TNKS1BP1: variants seen among roughly 807,000 people sequenced by gnomAD.
TNKS1BP1 encodes the protein CCR4-NOT transcription complex subunit 12, also known as 182 kDa tankyrase-1-binding protein.
A neutral mutation model predicts 141.1 loss-of-function variants in TNKS1BP1; 48 were observed. That is an observed-to-expected ratio of 0.34 (90% CI 0.27 to 0.43). The LOEUF is 0.43. Among genes scored for constraint, TNKS1BP1 ranks in the 20% least tolerant of loss-of-function variants. The probability of loss-of-function intolerance (pLI) is 1.00; values close to 1 mark genes in which losing one functional copy is unlikely to be tolerated. For missense variants in TNKS1BP1, 2,149 were observed against 2,226.0 expected (o/e 0.97, Z 0.70); for synonymous variants, 875 against 898.2 (o/e 0.97, Z 0.46).
At chr11:57,303,197 A>C in intron 6 of TNKS1BP1, 1 of 193,402 alleles carries the variant, frequency 5.2e-6, no homozygotes, top group Non-Finnish European at 1.0e-5. Context: ...CATGCTAGCA[A>C]TGTGTTCCCT....
At chr11:57,320,021 AATCC>A in intron 3 of TNKS1BP1, 54 bp downstream of exon 3, 1 of 546,566 alleles carries the variant, frequency 1.8e-6, no homozygotes, top group East Asian at 5.5e-5. Flanking sequence ...GCCCCCACCC[AATCC>A]CACCCCACCT....
chr11:57,313,690 G>C lies in TNKS1BP1; in HGVS notation c.998C>G (p.Ala333Gly). Residue 333 changes from alanine (A) to glycine (G), a missense_variant, in exon 5 of 12, where the codon GCT becomes GGT. Coordinates refer to ENST00000358252, the MANE Select transcript of TNKS1BP1 (RefSeq NM_033396.3). ...TGCACTTGGAGCTGATGGAGTCACA[G>C]CGGGGCAGGGAGAAGCCTGGGAAGC... ...PEASQASPCP[A>G]VTPSAPSAAL... The C allele has an allele frequency of 6.3e-7, 1 of 1,576,994 alleles. No homozygotes were observed. Among genetic ancestry groups the C allele is most frequent in the Non-Finnish European group, 8.6e-7 (1 of 1,160,962 alleles).
chr11:57,323,864 C>A (rs1352633057), intron 1 of TNKS1BP1, among the ~76,000 whole-genome samples: 1 of 152,208 alleles, frequency 6.6e-6, no homozygotes, highest in Admixed American at 6.5e-5. Flanking sequence ...AAAATCCTTT[C>A]ACCTGGGGTT....
rs1013221334 is a variant in TNKS1BP1, at chr11:57,322,309, A to G, written c.-65-359T>C. On this transcript the variant is annotated intron_variant, in intron 1 of 11. Coordinates refer to ENST00000358252, the MANE Select transcript of TNKS1BP1 (RefSeq NM_033396.3). ...ACTCAAAGCAGAGCTAGAGAGCTGCAAAGTATGAAGTCTGTCTGTGAATCA... is the reference window on the plus strand; with the variant it reads ...ACTCAAAGCAGAGCTAGAGAGCTGCGAAGTATGAAGTCTGTCTGTGAATCA... The G allele has an allele frequency of 7.0e-6, 7 of 999,392 alleles. No homozygotes were observed. The South Asian group carries it at 2.6e-4, about 38-fold the overall frequency. 61.9% of individuals were successfully genotyped at this position (999,392 alleles called of 1,614,324 possible).
intron 2 of TNKS1BP1, among the ~76,000 whole-genome samples, 183 bp downstream of exon 2, chr11:57,321,609 C>T (rs925965228): frequency 5.3e-5 from 8 of 152,232 alleles, no homozygotes; most frequent in Non-Finnish European, 1.2e-4. Context: ...TGATCCCAAA[C>T]AGTTCTGAAG....
rs551323314 is a variant in TNKS1BP1 at position 57,311,108 on chromosome 11, T to C, written c.2155-552A>G. ...CCCAGCCAAAGTGCCGTCTGCTCAA[T>C]CTTCCCCAGGAAGACCTCTCAGCCC... is the stretch of plus-strand genomic sequence containing the variant. On this transcript the variant is annotated intron_variant, in intron 5 of 11. Coordinates refer to ENST00000358252, the MANE Select transcript of TNKS1BP1 (RefSeq NM_033396.3). 151 of 509,314 alleles carry C rather than the reference T, an allele frequency of 3.0e-4. 2 individuals carry two copies. The South Asian group carries it at 0.012, about 39-fold the overall frequency. The allele number at this position is 509,314 out of a possible 1,614,324, so 31.5% of individuals were successfully genotyped here. A position where few individuals can be genotyped will look rare whatever the true frequency, so the allele number is the denominator to read the frequency against.
chr11:57,309,521 G>A lies in TNKS1BP1; in HGVS notation c.3190C>T (p.Gln1064Ter). The A allele has an allele frequency of 1.2e-6, 2 of 1,613,650 alleles. No homozygotes were observed. The highest frequency in any genetic ancestry group is 1.7e-6 in the Non-Finnish European group (2 of 1,180,038). ...SQEVGGHQER[Q>*]QAGAQGPGSA... ...CCAGGGCCCTGAGCCCCTGCCTGCT[G>A]TCTCTCCTGATGCCCTCCCACCTCC... is the stretch of plus-strand genomic sequence containing the variant. The change falls in exon 6 of 12, where the codon CAG becomes TAG. Residue 1064 changes from glutamine to a stop codon, truncating the protein, a stop_gained. Coordinates refer to ENST00000358252, the MANE Select transcript of TNKS1BP1 (RefSeq NM_033396.3). LOFTEE classifies it high-confidence loss of function. This position sits in a 1 kb window ranked among gnomAD's most constrained non-coding sequence, Gnocchi z 4.3.
rs369549576 is a variant in TNKS1BP1, at chr11:57,320,589, G to A, written c.218C>T (p.Ala73Val). 5 of 1,613,938 alleles carry A rather than the reference G, an allele frequency of 3.1e-6. No individual in the cohort carries two copies. The highest frequency in any genetic ancestry group is 4.2e-6 in the Non-Finnish European group (5 of 1,180,016). Residue 73 changes from alanine to valine, a missense_variant, in exon 3 of 12, where the codon GCT becomes GTT. Coordinates refer to ENST00000358252, the MANE Select transcript of TNKS1BP1 (RefSeq NM_033396.3). ...CATCTTCCTGGCAGAAGGCAACTCA[G>A]CCAGGGGACCCCGGGGAGGCCGAGG... ...VGPRPPRGPL[A>V]ELPSARKMNM...
Position 57,310,347 on chromosome 11 carries a change from C to T in TNKS1BP1, c.2364G>A (p.Arg788=). 6.2e-7 allele frequency: 1 copy of T among 1,614,108 alleles called. No homozygotes were observed. ...CGATGCCACACCTGCTGGCCCACTCCCTGGTGCTCCCTTCCCCTGCTCCTT... is the reference window on the plus strand; with the variant it reads ...CGATGCCACACCTGCTGGCCCACTCTCTGGTGCTCCCTTCCCCTGCTCCTT... ...YGQGAGEGST[R]EWASRCGIGQ... is the part of the protein sequence containing the mutation. Residue 788 remains arginine, a synonymous_variant, in exon 6 of 12, where the codon AGG becomes AGA. Coordinates refer to ENST00000358252, the MANE Select transcript of TNKS1BP1 (RefSeq NM_033396.3).
Position 57,310,005 on chromosome 11 carries a change from G to A in TNKS1BP1, c.2706C>T (p.Ala902=). 1.2e-6 allele frequency: 2 copies of A among 1,614,008 alleles called. No homozygotes were observed. Among genetic ancestry groups the A allele is most frequent in the Non-Finnish European group, 1.7e-6 (2 of 1,179,922 alleles). ...TCCCCAAATCTTGGCCCTGCTCGTT[G>A]GCATCTTGGCTGGCATAAGCACCCA... ...DSLGAYASQD[A]NEQGQDLGKR... Residue 902 remains alanine, a synonymous_variant, in exon 6 of 12, where the codon GCC becomes GCT. Transcript: ENST00000358252.
rs1456155256 is a variant in TNKS1BP1, at chr11:57,302,147, G to A, written c.4761C>T (p.Val1587=). 1.9e-6 allele frequency: 3 copies of A among 1,613,750 alleles called. No individual in the cohort carries two copies. The highest frequency in any genetic ancestry group is 1.1e-5 in the South Asian group (1 of 91,060). The change falls in exon 8 of 12, where the codon GTC becomes GTT. Residue 1587 remains valine, a synonymous_variant. Transcript: ENST00000358252. This position sits in a 1 kb window ranked among gnomAD's most constrained non-coding sequence, Gnocchi z 5.5. ...GGCCCAAGGTACCCCCAGGCCGAAT[G>A]ACCGGGGCCCGGTGCCCACGCTTGC... ...LGRKRGHRAP[V]IRPGGTLGLS... is the part of the protein sequence containing the mutation.
chr11:57,305,822 G>A (rs527953384), intron 6 of TNKS1BP1, among the ~76,000 whole-genome samples: 2 of 152,318 alleles, frequency 1.3e-5, no homozygotes, highest in African/African-American at 4.8e-5. Context: ...CGAGGAATCG[G>A]AGGCCCGCAG....
chr11:57,321,060 C>G (rs1436854875), intron 2 of TNKS1BP1, among the ~76,000 whole-genome samples: 1 of 152,192 alleles, frequency 6.6e-6, no homozygotes, highest in African/African-American at 2.4e-5. Flanking sequence ...AGCCAATAAA[C>G]AAATGCCTGC....
Position 57,313,426 on chromosome 11 carries a change from G to C in TNKS1BP1, c.1262C>G (p.Thr421Ser), listed in dbSNP as rs923063961. Residue 421 changes from threonine to serine, a missense_variant, in exon 5 of 12, where the codon ACC becomes AGC. By Grantham distance (58) the Thr-to-Ser change is moderately conservative. Transcript: ENST00000358252. ...EAKGDAHLRP[T>S]SLVQRRFSEG... ...AGAGAATCGGCGCTGAACCAGGCTG[G>C]TGGGGCGGAGGTGTGCGTCACCCTT... The C allele has an allele frequency of 1.2e-6, 2 of 1,610,584 alleles. No individual in the cohort carries two copies. The highest frequency in any genetic ancestry group is 2.2e-5 in the South Asian group (2 of 90,728).
At chr11:57,322,682 G>A (rs1855906246) in intron 1 of TNKS1BP1, among the ~76,000 whole-genome samples, 4 of 152,244 alleles carry the variant, frequency 2.6e-5, no homozygotes, top group Admixed American at 2.6e-4. Flanking sequence ...GATTTCCAGG[G>A]CCTAGCCAAG....
chr11:57,309,213 A>T lies in TNKS1BP1; in HGVS notation c.3498T>A (p.Gly1166=), dbSNP rs1443974619. ...AGSVDWTDQL[G]LRNLEVSSCV... ...AGCTGGACACTTCCAAGTTCCTGAG[A>T]CCCAGCTGGTCAGTCCAGTCCACCG... The change falls in exon 6 of 12, where the codon GGT becomes GGA. Residue 1166 remains glycine, a synonymous_variant. Coordinates refer to ENST00000358252, the MANE Select transcript of TNKS1BP1 (RefSeq NM_033396.3). The surrounding 1 kb of genome is among the most constrained non-coding windows in gnomAD (Gnocchi z 4.3). 1 of 1,614,050 alleles carries T rather than the reference A, an allele frequency of 6.2e-7. No homozygotes were observed. Among genetic ancestry groups the T allele is most frequent in the Non-Finnish European group, 8.5e-7 (1 of 1,180,022 alleles).
rs141010214 is a variant in TNKS1BP1 at position 57,307,957 on chromosome 11, T to G, written c.4316+438A>C. On this transcript the variant is annotated intron_variant, in intron 6 of 11. Transcript: ENST00000358252. The stretch of plus-strand genomic sequence containing the variant: ...AGAACCCGTGGGTTCCACTGTCCAC[T>G]CCACTCCTGGCTGTGGTGGCCCCAG... Among the ~76,000 whole-genome samples the G allele has an allele frequency of 1.7e-3, 264 of 152,294 alleles. 1 individual carries two copies. The highest frequency in any genetic ancestry group is 6.0e-3 in the African/African-American group (250 of 41,568).
rs1039705599 is a variant in TNKS1BP1, at chr11:57,306,585, G to A, written c.4316+1810C>T. On this transcript the variant is annotated intron_variant, in intron 6 of 11. Coordinates refer to ENST00000358252, the MANE Select transcript of TNKS1BP1 (RefSeq NM_033396.3). ...ACTCCTCTCTAAAGCAACTGTTTTC[G>A]TTCGGCTTTTTGAGGAGCCGTGCTT... Among the ~76,000 whole-genome samples the A allele has an allele frequency of 2.6e-5, 4 of 152,156 alleles. No individual in the cohort carries two copies. The East Asian group carries it at 7.7e-4, about 29-fold the overall frequency.
In TNKS1BP1 at chr11:57,309,620, T is replaced by C; in HGVS notation, c.3091A>G (p.Ser1031Gly). Reference sequence around the variant, plus strand: ...GCCCCATCCGGCACGTGGGCAGTGCTAGGACTGAACAAGCCCCCGGATCCT... The same window carrying C: ...GCCCCATCCGGCACGTGGGCAGTGCCAGGACTGAACAAGCCCCCGGATCCT... ...ERGSGGLFSP[S>G]TAHVPDGALG... Residue 1031 changes from serine to glycine, a missense_variant, in exon 6 of 12, where the codon AGC (serine) becomes GGC (glycine). By Grantham distance (56) the Ser-to-Gly change is moderately conservative. Coordinates refer to ENST00000358252, the MANE Select transcript of TNKS1BP1 (RefSeq NM_033396.3). The surrounding 1 kb of genome is among the most constrained non-coding windows in gnomAD (Gnocchi z 4.3). The C allele has an allele frequency of 6.2e-7, 1 of 1,614,078 alleles. No individual in the cohort carries two copies. The highest frequency in any genetic ancestry group is 8.5e-7 in the Non-Finnish European group (1 of 1,180,028).
Sources: allele counts gnomAD v4.1 joint callset (sites outside exome capture counted in the v4.1 genomes callset), GRCh38; gene constraint gnomAD v4.1.1; non-coding constraint Gnocchi (gnomAD v3.1); transcripts MANE v1.5; gene names NCBI Gene and HGNC (gene_info 2026-07-23, HGNC 2026-07-21).